VAT1L: variants seen among roughly 807,000 people sequenced by gnomAD.
VAT1L encodes vesicle amine transport 1 like.
VAT1L carries 34 observed loss-of-function variants against 44.1 expected under a neutral mutation model. The ratio of observed to expected loss-of-function variants is 0.77; its 90% confidence interval spans 0.59 to 1.03. The LOEUF is 1.03. VAT1L is among the 50% of genes least tolerant of loss of function. The pLI is 0.00. For synonymous variants in VAT1L, 253 were observed against 202.2 expected (o/e 1.25, Z -2.13); for missense variants, 615 against 538.8 (o/e 1.14, Z -1.40).
rs2142488984 is a variant in VAT1L at position 77,915,414 on chromosome 16, A to T, written c.1077+30612A>T. Among the ~76,000 whole-genome samples the T allele has an allele frequency of 2.0e-5, 3 of 152,316 alleles. No homozygotes were observed. The South Asian group carries it at 6.2e-4, about 32-fold the overall frequency. ...GTGGCTGTGAGCATGATCTTGATAC[A>T]CAGATGTTTAGAGTCCATCTGGGGG... On this transcript the variant is annotated intron_variant, in intron 7 of 8. Transcript: ENST00000302536.
chr16:77,840,078 G>A (rs2016689241), intron 3 of VAT1L, among the ~76,000 whole-genome samples: 1 of 152,112 alleles, frequency 6.6e-6, no homozygotes, highest in Non-Finnish European at 1.5e-5. Flanking sequence ...CCCCTCCTAA[G>A]GTTGCTGTGA....
chr16:77,853,167 G>A (rs1449567555), intron 3 of VAT1L, among the ~76,000 whole-genome samples: 1 of 152,170 alleles, frequency 6.6e-6, no homozygotes, highest in Non-Finnish European at 1.5e-5. Flanking sequence ...AGGAAAACCC[G>A]GTGCACCGTG....
At chr16:77,789,707 G>A (rs770682332) in intron 1 of VAT1L, among the ~76,000 whole-genome samples, 13 of 152,074 alleles carry the variant, frequency 8.5e-5, no homozygotes, top group South Asian at 4.1e-4. Context: ...AAAAAACCCT[G>A]ATCAGTCTCC....
At chr16:77,914,377 G>A (rs2017529951) in intron 7 of VAT1L, among the ~76,000 whole-genome samples, 1 of 152,172 alleles carries the variant, frequency 6.6e-6, no homozygotes, top group Non-Finnish European at 1.5e-5. Context: ...ACCATGCATT[G>A]TGTCCCAACC....
chr16:77,839,939 G>C lies in VAT1L; in HGVS notation c.579+14478G>C, dbSNP rs9933066. Reference sequence around the variant, plus strand: ...GGTCATTTATGTCTATGATGGCATAGAGTTGAGAGTCTTTGGGGTGAGACT... The same window carrying C: ...GGTCATTTATGTCTATGATGGCATACAGTTGAGAGTCTTTGGGGTGAGACT... On this transcript the variant is annotated intron_variant, in intron 3 of 8. Coordinates refer to ENST00000302536, the MANE Select transcript of VAT1L (RefSeq NM_020927.3). Among the ~76,000 whole-genome samples, 17 of 152,326 alleles carry C rather than the reference G, an allele frequency of 1.1e-4. No individual in the cohort carries two copies. In the South Asian group the frequency reaches 1.2e-3, roughly 11 times the overall value.
intron 8 of VAT1L, among the ~76,000 whole-genome samples, chr16:77,974,721 C>G (rs572546425): frequency 1.3e-5 from 2 of 152,124 alleles, no homozygotes; most frequent in African/African-American, 2.4e-5. Context: ...TGCCACCACA[C>G]CCAGCTAATT....
At chr16:77,964,657 G>A (rs1030493580) in intron 7 of VAT1L, among the ~76,000 whole-genome samples, 13 of 152,104 alleles carry the variant, frequency 8.5e-5, no homozygotes, top group African/African-American at 3.1e-4. Context: ...GGAATGGATG[G>A]GTTGGGAGTG....
At chr16:77,895,490 G>A (rs934190074) in intron 7 of VAT1L, among the ~76,000 whole-genome samples, 3 of 152,268 alleles carry the variant, frequency 2.0e-5, no homozygotes, top group South Asian at 2.1e-4. Flanking sequence ...AGAGGCAGGA[G>A]GGTTGGAGTC....
chr16:77,905,066 CAAGT>C (rs1017026704), intron 7 of VAT1L, among the ~76,000 whole-genome samples: 3 of 152,140 alleles, frequency 2.0e-5, no homozygotes, highest in African/African-American at 7.2e-5. Context: ...ATACTGGTGT[CAAGT>C]AAGAGGAATT....
intron 1 of VAT1L, among the ~76,000 whole-genome samples, chr16:77,798,218 C>T (rs184732487): frequency 3.3e-5 from 5 of 152,304 alleles, no homozygotes; most frequent in Admixed American, 2.6e-4. Flanking sequence ...TAATTATCTT[C>T]TGAGCCAGGG....
intron 1 of VAT1L, among the ~76,000 whole-genome samples, chr16:77,793,115 G>C (rs949458993): frequency 2.0e-5 from 3 of 152,032 alleles, no homozygotes; most frequent in African/African-American, 7.2e-5. Flanking sequence ...ATTCAAACTG[G>C]AACTCTTATA....
intron 3 of VAT1L, among the ~76,000 whole-genome samples, chr16:77,840,727 A>G (rs2016695834): frequency 6.8e-6 from 1 of 147,110 alleles, no homozygotes; most frequent in Admixed American, 6.6e-5. Flanking sequence ...GACTTGGCAG[A>G]TACGTGTTTG....
intron 7 of VAT1L, among the ~76,000 whole-genome samples, chr16:77,899,053 T>G (rs944617229): frequency 6.6e-6 from 1 of 152,204 alleles, no homozygotes; most frequent in Non-Finnish European, 1.5e-5. Flanking sequence ...ATGGCTACAG[T>G]GTGATATCTG....
Position 77,885,497 on chromosome 16 carries a change from C to G in VAT1L, c.1077+695C>G, listed in dbSNP as rs545428874. Among the ~76,000 whole-genome samples, 568 of 152,200 alleles carry G rather than the reference C, an allele frequency of 3.7e-3. 5 individuals carry two copies. The highest frequency in any genetic ancestry group is 0.013 in the African/African-American group (529 of 41,534). On this transcript the variant is annotated intron_variant, in intron 7 of 8. Transcript: ENST00000302536. ...GGGCATTTGGGGAGTCAGTTAATGG[C>G]AGCTCCTTGTAGAAGAAATGAAGAG...
intron 7 of VAT1L, among the ~76,000 whole-genome samples, chr16:77,929,158 C>G (rs1450629055): frequency 6.6e-6 from 1 of 152,042 alleles, no homozygotes; most frequent in African/African-American, 2.4e-5. Context: ...ACTTTGAATG[C>G]TCTCTATTTG....
rs545352860 is a variant in VAT1L at position 77,858,964 on chromosome 16, C to T, written c.580-3784C>T. Among the ~76,000 whole-genome samples, 275 of 152,014 alleles carry T rather than the reference C, an allele frequency of 1.8e-3. 9 individuals are homozygous for T. The South Asian group carries it at 0.054, about 30-fold the overall frequency. On this transcript the variant is annotated intron_variant, in intron 3 of 8. Transcript: ENST00000302536. ...CAGCCTGACCAACATGGAGAAACCC[C>T]GTCTCTACTAAAAATACAAAATTAG... is the stretch of plus-strand genomic sequence containing the variant.
At position 77,795,597 on chromosome 16, in the gene VAT1L, C is replaced by A. The variant is rs1367499495; in HGVS notation, c.233+6682C>A. Reference sequence around the variant, plus strand: ...CAAAAGGAAGAGCCTGAAGGAAGAGCAGGAATGAAGGTGGATGGGTCAATT... The same window carrying A: ...CAAAAGGAAGAGCCTGAAGGAAGAGAAGGAATGAAGGTGGATGGGTCAATT... On this transcript the variant is annotated intron_variant, in intron 1 of 8. Coordinates refer to ENST00000302536, the MANE Select transcript of VAT1L (RefSeq NM_020927.3). 4.6e-5 allele frequency among the ~76,000 whole-genome samples: 7 copies of A among 152,048 alleles called. No individual in the cohort carries two copies. In the East Asian group the frequency reaches 1.3e-3, roughly 29 times the overall value.
At chr16:77,840,040 C>T (rs2016688773) in intron 3 of VAT1L, among the ~76,000 whole-genome samples, 1 of 151,868 alleles carries the variant, frequency 6.6e-6, no homozygotes. Flanking sequence ...GACTCAGTTT[C>T]CTCATGTGTA....
intron 2 of VAT1L, among the ~76,000 whole-genome samples, chr16:77,823,628 C>T (rs2016485764): frequency 6.6e-6 from 1 of 152,182 alleles, no homozygotes; most frequent in Non-Finnish European, 1.5e-5. Flanking sequence ...TCCTATTAAG[C>T]TTTCATGTAG....
Sources: allele counts gnomAD v4.1 joint callset (sites outside exome capture counted in the v4.1 genomes callset), GRCh38; gene constraint gnomAD v4.1.1; transcripts MANE v1.5; gene names NCBI Gene and HGNC (gene_info 2026-07-23, HGNC 2026-07-21).